The following ZBED1 variants were observed in gnomAD, a reference collection of about 807,000 sequenced individuals.
ZBED1 encodes E3 SUMO-protein ligase ZBED1.
ZBED1 carries 19 observed loss-of-function variants against 49.7 expected under a neutral mutation model. That is an observed-to-expected ratio of 0.38 (90% CI 0.27 to 0.56). ZBED1 has a LOEUF of 0.56. Among genes scored for constraint, ZBED1 ranks in the 20% least tolerant of loss-of-function variants. ZBED1 has a pLI of 0.70. For synonymous variants in ZBED1, 439 were observed against 440.3 expected (o/e 1.00, Z 0.04); for missense variants, 806 against 972.6 (o/e 0.83, Z 2.28).
intron 1 of ZBED1, among the ~76,000 whole-genome samples, chrX:2,496,229 C>T: frequency 6.6e-6 from 1 of 152,194 alleles, no homozygotes; most frequent in Middle Eastern, 3.4e-3. Flanking sequence ...GACGGAGTCT[C>T]GCCCTGTTGC....
chrX:2,498,133 A>G (rs149210027), intron 1 of ZBED1, among the ~76,000 whole-genome samples: 3,298 of 152,226 alleles, frequency 0.022, 116 homozygotes, highest in African/African-American at 0.075. Context: ...TCCAGCCACA[A>G]TTTCTTCCTT....
intron 1 of ZBED1, among the ~76,000 whole-genome samples, chrX:2,495,043 A>C (rs1484246848): frequency 6.6e-6 from 1 of 151,496 alleles, no homozygotes; most frequent in East Asian, 1.9e-4. Context: ...TTTATATTCT[A>C]TTGTCATTAT....
In ZBED1 at chrX:2,490,791, AAC is replaced by A; in HGVS notation, c.-53-21_-53-20del. On this transcript the variant is annotated intron_variant, in intron 1 of 1. Transcript: ENST00000652001. ...GGACCTGCTGAGAAGGGCCAAGACA[AAC>A]ACAGCATGAGAAGGGACCCAGGCAC... 1 of 1,554,272 alleles carries A rather than the reference AAC, an allele frequency of 6.4e-7. No individual in the cohort carries two copies. The highest frequency in any genetic ancestry group is 1.9e-5 in the Admixed American group (1 of 53,548).
intron 1 of ZBED1, 45 bp downstream of exon 1, chrX:2,500,772 C>G: frequency 1.0e-6 from 1 of 999,774 alleles, no homozygotes; most frequent in Non-Finnish European, 1.2e-6. Flanking sequence ...CAGCCCGCGC[C>G]CACCCGGGTC....
intron 1 of ZBED1, among the ~76,000 whole-genome samples, chrX:2,491,101 G>A (rs1325239389): frequency 1.7e-5 from 2 of 120,946 alleles, no homozygotes; most frequent in African/African-American, 6.3e-5. Context: ...ACAGAGTTTC[G>A]CTCTGTCACC....
At chrX:2,491,448 G>A (rs189923568) in intron 1 of ZBED1, among the ~76,000 whole-genome samples, 24 of 152,212 alleles carry the variant, frequency 1.6e-4, no homozygotes, top group Admixed American at 9.2e-4. Flanking sequence ...TGGGAAAGCT[G>A]CGTAGATCTT....
chrX:2,500,346 C>T (rs1357532560), intron 1 of ZBED1: 1 of 181,454 alleles, frequency 5.5e-6, no homozygotes, highest in Non-Finnish European at 1.2e-5. Context: ...CCTGGGACGC[C>T]CGCTCCTCCC....
chrX:2,495,021 C>G (rs190731215), intron 1 of ZBED1, among the ~76,000 whole-genome samples: 1 of 151,390 alleles, frequency 6.6e-6, no homozygotes, highest in Admixed American at 6.6e-5. Context: ...GTCACAGTAC[C>G]CTGAACAAAG....
rs758781817 is a variant in ZBED1, at chrX:2,488,200, TGA to T, written c.*433_*434del. On this transcript the variant is annotated 3_prime_UTR_variant, in exon 2 of 2. Coordinates refer to ENST00000652001, the MANE Select transcript of ZBED1 (RefSeq NM_001171136.2). ...TCTCTTGTGTCTTCTTTTTTCTTTT[TGA>T]GAGAGTCTCGCTCTTGTCGCCCAGG... The T allele has an allele frequency of 3.8e-4, 63 of 164,144 alleles. No homozygotes were observed. In the East Asian group the frequency reaches 0.01, roughly 26 times the overall value. The allele number at this position is 164,144 out of a possible 1,614,324, so 10.2% of individuals were successfully genotyped here. A position where few individuals can be genotyped will look rare whatever the true frequency, so the allele number is the denominator to read the frequency against.
intron 1 of ZBED1, among the ~76,000 whole-genome samples, chrX:2,498,848 G>T (rs536911974): frequency 5.3e-5 from 8 of 152,030 alleles, no homozygotes; most frequent in Non-Finnish European, 1.0e-4. Flanking sequence ...GCTGTAAACC[G>T]TTCACCTTGC....
chrX:2,494,917 G>A (rs1324227534), intron 1 of ZBED1, among the ~76,000 whole-genome samples: 1 of 151,508 alleles, frequency 6.6e-6, no homozygotes, highest in Non-Finnish European at 1.5e-5. Flanking sequence ...ATTCTTATTT[G>A]GCTGAAAGAG....
rs1603193627 is a variant in ZBED1, at chrX:2,500,820, G to A, written c.-57C>T. On this transcript the variant is annotated 5_prime_UTR_variant, in exon 1 of 2. Transcript: ENST00000652001. ...ACCCCTGCCCCGCCCCGCTGACCTG[G>A]CTCCAGGAAGCCCCCGCGGCAGCGC... is the stretch of plus-strand genomic sequence containing the variant. 6.2e-6 allele frequency: 7 copies of A among 1,132,654 alleles called. No homozygotes were observed. In the African/African-American group the frequency reaches 1.2e-4, roughly 19 times the overall value. The allele number at this position is 1,132,654 out of a possible 1,614,324, so 70.2% of individuals were successfully genotyped here.
At chrX:2,500,654 G>GCCC (rs546772121) in intron 1 of ZBED1, 163 bp downstream of exon 1, 2 of 126,686 alleles carry the variant, frequency 1.6e-5, no homozygotes, top group Admixed American at 7.7e-5. Context: ...CGCGCACGCC[G>GCCC]CCCCCCCCCC....
intron 1 of ZBED1, among the ~76,000 whole-genome samples, chrX:2,498,721 C>T (rs770874882): frequency 1.3e-5 from 2 of 152,206 alleles, no homozygotes; most frequent in South Asian, 2.1e-4. Flanking sequence ...GCAGGAACCC[C>T]GGCCTCTTCT....
At position 2,500,898 on chromosome X, in the gene ZBED1, C is replaced by A; in HGVS notation, c.-135G>T. On this transcript the variant is annotated 5_prime_UTR_variant, in exon 1 of 2. Coordinates refer to ENST00000652001, the MANE Select transcript of ZBED1 (RefSeq NM_001171136.2). ...GCGCCTACCGCGTAGACCCGCAGGG[C>A]CGCCCGCGCCGCAGACAATGGCGAC... 1 of 1,127,124 alleles carries A rather than the reference C, an allele frequency of 8.9e-7. No individual in the cohort carries two copies. Among genetic ancestry groups the A allele is most frequent in the Non-Finnish European group, 1.1e-6 (1 of 917,878 alleles). 69.8% of individuals were successfully genotyped at this position (1,127,124 alleles called of 1,614,324 possible).
chrX:2,495,674 G>A (rs1190597699), intron 1 of ZBED1, among the ~76,000 whole-genome samples: 1 of 150,592 alleles, frequency 6.6e-6, no homozygotes, highest in African/African-American at 2.4e-5. Flanking sequence ...CTCCTCCCTT[G>A]CAGCGCTTCC....
chrX:2,495,061 A>G (rs1281304818), intron 1 of ZBED1, among the ~76,000 whole-genome samples: 2 of 151,032 alleles, frequency 1.3e-5, no homozygotes, highest in Non-Finnish European at 2.9e-5. Flanking sequence ...TATTATTATT[A>G]TTGTTATTAT....
rs372217420 is a variant in ZBED1 at position 2,490,002 on chromosome X, C to T, written c.718G>A (p.Glu240Lys). The change falls in exon 2 of 2, where the codon GAA (glutamate) becomes AAA (lysine). Residue 240 changes from glutamate to lysine, a missense_variant. Glu to Lys is a moderately conservative substitution (Grantham distance 56). Transcript: ENST00000652001. ...SRCLKTFEVP[E>K]ENTAETITRV... ...GTGATGGTCTCCGCCGTGTTCTCTT[C>T]GGGCACCTCGAAGGTCTTCAGGCAG... 2.2e-5 allele frequency: 35 copies of T among 1,613,764 alleles called. No homozygotes were observed. The highest frequency in any genetic ancestry group is 4.5e-5 in the East Asian group (2 of 44,882).
At chrX:2,497,908 T>C (rs1398673461) in intron 1 of ZBED1, among the ~76,000 whole-genome samples, 1 of 152,202 alleles carries the variant, frequency 6.6e-6, no homozygotes, top group African/African-American at 2.4e-5. Context: ...AATGCACTGA[T>C]TAAATCATCT....
Sources: gnomAD v4.1 joint callset for allele counts (sites outside exome capture counted in the v4.1 genomes callset) on GRCh38, gnomAD v4.1.1 for gene constraint, MANE v1.5 for transcripts, NCBI Gene and HGNC (gene_info 2026-07-23, HGNC 2026-07-21) for gene names.